Variants in SNTB2 observed in about 807,000 individuals in gnomAD.
The protein encoded by SNTB2 is beta-2-syntrophin.
SNTB2 carries 34 observed loss-of-function variants against 46.2 expected under a neutral mutation model. The ratio of observed to expected loss-of-function variants is 0.74; its 90% CI spans 0.56 to 0.98. SNTB2 has a LOEUF of 0.98. Among genes scored for constraint, SNTB2 ranks in the 50% least tolerant of loss-of-function variants. The pLI, the probability that SNTB2 is intolerant of heterozygous loss-of-function variation, is 0.00. For missense variants in SNTB2, 603 were observed against 731.4 expected, an observed-to-expected ratio of 0.82 and a Z score of 2.02; for synonymous variants, 290 against 312.6, an observed-to-expected ratio of 0.93 and a Z score of 0.76.
intron 5 of SNTB2, among the ~76,000 whole-genome samples, chr16:69,287,122 TG>T (rs1965111326): frequency 6.6e-6 from 1 of 152,218 alleles, no homozygotes; most frequent in African/African-American, 2.4e-5. Flanking sequence ...TTCTTTCCAT[TG>T]TGGAAGCGCC....
Position 69,187,210 on chromosome 16 carries a change from C to T in SNTB2, c.44C>T (p.Ala15Val). The T allele has an allele frequency of 4.2e-6, 6 of 1,432,010 alleles. No homozygotes were observed. Among genetic ancestry groups the T allele is most frequent in the Middle Eastern group, 2.4e-4 (1 of 4,138 alleles). The allele number at this position is 1,432,010 out of a possible 1,614,324, so 88.7% of individuals were successfully genotyped here. A position where few individuals can be genotyped will look rare whatever the true frequency, so the allele number is the denominator to read the frequency against. ...AATAAAGAGPAMAVWTRATKA... is the reference protein window; with the variant it reads ...AATAAAGAGPVMAVWTRATKA... ...ACTGCGGCGGCTGGAGCGGGGCCGG[C>T]CATGGCGGTGTGGACGCGGGCCACC... The change falls in exon 1 of 7, where the codon GCC (alanine) becomes GTC (valine). Residue 15 changes from alanine (A) to valine (V), a missense_variant. Around this residue, in one of 2 missense-constraint regions of SNTB2, gnomAD observed 66 missense variants for 39.0 expected, o/e 1.69. Coordinates refer to ENST00000336278, the MANE Select transcript of SNTB2 (RefSeq NM_006750.4).
intron 4 of SNTB2, among the ~76,000 whole-genome samples, chr16:69,283,392 A>C (rs1024139936): frequency 2.0e-5 from 3 of 152,194 alleles, no homozygotes; most frequent in African/African-American, 7.2e-5. Flanking sequence ...ATAATTCTAG[A>C]GTCAAATGCA....
At position 69,303,272 on chromosome 16, in the gene SNTB2, G is replaced by T. The variant is rs115509708; in HGVS notation, c.*2348G>T. On this transcript the variant is annotated 3_prime_UTR_variant, in exon 7 of 7. Coordinates refer to ENST00000336278, the MANE Select transcript of SNTB2 (RefSeq NM_006750.4). ...GTAATACCCTCAGGTAGGCAATCTT[G>T]AACCCTCTATGCAGTGAGAGCATTA... is the stretch of plus-strand genomic sequence containing the variant. 1 of 152,184 alleles carries T rather than the reference G, an allele frequency of 6.6e-6. No homozygotes were observed. Among genetic ancestry groups the T allele is most frequent in the Admixed American group, 6.5e-5 (1 of 15,280 alleles). 9.4% of individuals were successfully genotyped at this position (152,184 alleles called of 1,614,324 possible).
At chr16:69,254,613 A>G (rs958482339) in intron 2 of SNTB2, among the ~76,000 whole-genome samples, 1 of 152,220 alleles carries the variant, frequency 6.6e-6, no homozygotes, top group African/African-American at 2.4e-5. Context: ...ACTGAAGAGA[A>G]TGAAAAGACA....
At chr16:69,257,688 A>G (rs990382216) in intron 2 of SNTB2, among the ~76,000 whole-genome samples, 1 of 151,934 alleles carries the variant, frequency 6.6e-6, no homozygotes, top group Non-Finnish European at 1.5e-5. Flanking sequence ...CTTGTTATCC[A>G]CCTGCCTCGG....
At chr16:69,199,947 C>T (rs1964144958) in intron 1 of SNTB2, among the ~76,000 whole-genome samples, 1 of 151,998 alleles carries the variant, frequency 6.6e-6, no homozygotes, top group Non-Finnish European at 1.5e-5. Context: ...CAGAATCTCC[C>T]TCTGTCGCCC....
chr16:69,281,377 G>A (rs112114986), intron 4 of SNTB2, among the ~76,000 whole-genome samples: 61 of 151,524 alleles, frequency 4.0e-4, no homozygotes, highest in Non-Finnish European at 7.7e-4. Flanking sequence ...GATTACAGGC[G>A]TCCACCACCA....
chr16:69,200,281 G>A (rs1237152528), intron 1 of SNTB2, among the ~76,000 whole-genome samples: 3 of 152,148 alleles, frequency 2.0e-5, no homozygotes, highest in African/African-American at 7.2e-5. Flanking sequence ...GGCGTATTTT[G>A]ACAAAATGGG....
intron 2 of SNTB2, among the ~76,000 whole-genome samples, chr16:69,259,448 T>C (rs1224560445): frequency 6.6e-6 from 1 of 151,688 alleles, no homozygotes; most frequent in Non-Finnish European, 1.5e-5. Flanking sequence ...TTGGCCAGAC[T>C]GGCCTCAAAC....
At chr16:69,212,489 C>T (rs1487968996) in intron 1 of SNTB2, among the ~76,000 whole-genome samples, 1 of 151,914 alleles carries the variant, frequency 6.6e-6, no homozygotes, top group Non-Finnish European at 1.5e-5. Flanking sequence ...CCGGCGTGTA[C>T]CACCAGGCCC....
chr16:69,218,546 C>T (rs1446187871), intron 1 of SNTB2, among the ~76,000 whole-genome samples: 3 of 151,788 alleles, frequency 2.0e-5, no homozygotes, highest in Admixed American at 1.3e-4. Context: ...CTCAGCCTCA[C>T]GAGTAGCTGG....
chr16:69,259,992 T>A, intron 2 of SNTB2, 58 bp from the exon 3 acceptor site: 1 of 1,242,686 alleles, frequency 8.0e-7, no homozygotes, highest in East Asian at 2.3e-5. Flanking sequence ...ATTTTAAACC[T>A]GGCAGGTTTG....
chr16:69,280,924 A>G (rs1423313475), intron 4 of SNTB2, among the ~76,000 whole-genome samples: 1 of 151,688 alleles, frequency 6.6e-6, no homozygotes, highest in African/African-American at 2.4e-5. Flanking sequence ...CAGCTTCGCG[A>G]GTAGCTGGGA....
chr16:69,188,730 A>G (rs1165481861), intron 1 of SNTB2, among the ~76,000 whole-genome samples: 1 of 152,236 alleles, frequency 6.6e-6, no homozygotes, highest in African/African-American at 2.4e-5. Flanking sequence ...ATAAAAGAAG[A>G]TGCTGTCCCT....
intron 1 of SNTB2, among the ~76,000 whole-genome samples, chr16:69,232,696 G>C (rs550127131): frequency 1.3e-5 from 2 of 151,114 alleles, no homozygotes; most frequent in South Asian, 4.2e-4. Flanking sequence ...ATTTTTAGTA[G>C]AGATGGGGTT....
chr16:69,299,052 G>C (rs1355658864), intron 5 of SNTB2, among the ~76,000 whole-genome samples: 1 of 152,062 alleles, frequency 6.6e-6, no homozygotes, highest in Non-Finnish European at 1.5e-5. Flanking sequence ...CAGTATGAGT[G>C]TTCAGTGGGT....
chr16:69,279,688 G>C (rs183636327), intron 4 of SNTB2, among the ~76,000 whole-genome samples: 3,189 of 136,780 alleles, frequency 0.023, 120 homozygotes, highest in African/African-American at 0.084. Context: ...ACCATGCCCG[G>C]CTAATTTTTT....
intron 4 of SNTB2, among the ~76,000 whole-genome samples, chr16:69,278,459 T>G (rs1015576104): frequency 5.8e-5 from 8 of 138,830 alleles, no homozygotes; most frequent in Non-Finnish European, 6.0e-5. Context: ...TTTGTAGGGT[T>G]TTTTTTTTTT....
chr16:69,267,051 CAG>C (rs1468046892), intron 3 of SNTB2, among the ~76,000 whole-genome samples: 3 of 148,164 alleles, frequency 2.0e-5, no homozygotes, highest in Admixed American at 1.4e-4. Flanking sequence ...TTTTTTAAGA[CAG>C]AGTCTCGCTC....
Sources: gnomAD v4.1 joint callset for allele counts (sites outside exome capture counted in the v4.1 genomes callset) on GRCh38, gnomAD v4.1.1 for gene constraint, gnomAD v4.1.1 regional missense constraint, MANE v1.5 for transcripts, NCBI Gene and HGNC (gene_info 2026-07-23, HGNC 2026-07-21) for gene names.